Variants in CCND3 observed in about 807,000 individuals in gnomAD.
CCND3 encodes cyclin D3, also known as G1/S-specific cyclin-D3.
In CCND3, 9 loss-of-function variants were observed where a neutral mutation model predicts 28.7. The ratio of observed to expected loss-of-function variants is 0.31; its 90% CI spans 0.19 to 0.55. The LOEUF (loss-of-function observed/expected upper bound fraction) is 0.55. Ranked by LOEUF, CCND3 falls within the 20% of genes least tolerant of loss-of-function variation. The pLI, the probability that CCND3 is intolerant of heterozygous loss-of-function variation, is 0.93. For synonymous variants in CCND3, 164 were observed against 163.9 expected (o/e 1.00, Z 0.00); for missense variants, 315 against 385.8 (o/e 0.82, Z 1.54).
In CCND3 at chr6:42,001,234, C is replaced by CAAAAA. The variant is rs56288797; in HGVS notation, c.-46+47262_-46+47266dup. Among the ~76,000 whole-genome samples the CAAAAA allele has an allele frequency of 6.9e-3, 505 of 73,568 alleles. 36 individuals carry two copies. Among genetic ancestry groups the CAAAAA allele is most frequent in the African/African-American group, 0.018 (325 of 17,866 alleles). 48.3% of individuals were successfully genotyped at this position (73,568 alleles called of 152,430 possible). The stretch of plus-strand genomic sequence containing the variant: ...TGGGCAACAGAGCAAGACCCCATCT[C>CAAAAA]AAAAAAAAAAAAAAAAAAGCTTATA... On this transcript the variant is annotated intron_variant, in intron 1 of 4. Coordinates refer to the CCND3 transcript ENST00000372988.
rs1582085220 is a variant in CCND3 at position 41,938,938 on chromosome 6, C to T, written c.414+1432G>A. On this transcript the variant is annotated intron_variant, in intron 2 of 4. Transcript: ENST00000372991. The surrounding 1 kb of genome is among the most constrained non-coding windows in gnomAD (Gnocchi z 4.6). ...TCTTTTGGGCACTCCACCCCCAGCT[C>T]AGGCAGAGGGAAGAGTACTTTTTGC... 1.3e-5 allele frequency among the ~76,000 whole-genome samples: 2 copies of T among 152,188 alleles called. No homozygotes were observed. Among genetic ancestry groups the T allele is most frequent in the Non-Finnish European group, 2.9e-5 (2 of 68,020 alleles).
intron 1 of CCND3, chr6:42,031,416 G>C (rs1021055405): frequency 1.3e-5 from 2 of 152,240 alleles, no homozygotes; most frequent in Non-Finnish European, 2.9e-5. Context: ...GGAAACGTGG[G>C]GCAGAGGCGG....
upstream of CCND3, among the ~76,000 whole-genome samples, chr6:42,049,385 G>C (rs959102895): frequency 3.3e-5 from 5 of 152,194 alleles, no homozygotes; most frequent in Admixed American, 2.0e-4. Flanking sequence ...GACTCTTTCT[G>C]TGTATCATCT....
At chr6:42,009,118 C>T (rs1244042863) in intron 1 of CCND3, among the ~76,000 whole-genome samples, 2 of 152,160 alleles carry the variant, frequency 1.3e-5, no homozygotes, top group Admixed American at 6.6e-5. Context: ...CTACTGGGGG[C>T]TCAACTTCCT....
In CCND3 at chr6:41,947,655, C is replaced by T. The variant is rs139995912; in HGVS notation, c.-45-7070G>A. Among the ~76,000 whole-genome samples the T allele has an allele frequency of 3.7e-3, 564 of 152,270 alleles. 4 individuals carry two copies. Among genetic ancestry groups the T allele is most frequent in the African/African-American group, 0.013 (546 of 41,558 alleles). ...TCCTCTGTTACTTCCTCTGTCCAAA[C>T]TCAGTTCTTCCTTGACCTTACTGGT... On this transcript the variant is annotated intron_variant, in intron 1 of 4. Transcript: ENST00000372988.
chr6:42,027,925 TTA>T (rs1763930364), intron 1 of CCND3, among the ~76,000 whole-genome samples: 1 of 152,050 alleles, frequency 6.6e-6, no homozygotes, highest in Admixed American at 6.6e-5. Context: ...TTTTGTACTT[TTA>T]GTAGAGACGG....
chr6:41,977,346 G>T (rs1356013031), intron 1 of CCND3, among the ~76,000 whole-genome samples: 1 of 152,110 alleles, frequency 6.6e-6, no homozygotes, highest in South Asian at 2.1e-4. Context: ...GTTGAGGAAG[G>T]CTCAGAACAA....
At chr6:41,960,134 A>G (rs1761681582) in intron 1 of CCND3, among the ~76,000 whole-genome samples, 1 of 152,214 alleles carries the variant, frequency 6.6e-6, no homozygotes, top group African/African-American at 2.4e-5. Context: ...GCCACGTACA[A>G]AAGACCACAT....
chr6:41,941,184 G>C lies in CCND3; in HGVS notation c.198+268C>G, dbSNP rs3218088. The C allele has an allele frequency of 2.8e-3, 4,068 of 1,446,376 alleles. 55 individuals are homozygous for C. In the African/African-American group the frequency reaches 0.041, roughly 15 times the overall value. 89.6% of individuals were successfully genotyped at this position (1,446,376 alleles called of 1,614,324 possible). A position where few individuals can be genotyped will look rare whatever the true frequency, so the allele number is the denominator to read the frequency against. ...ACGCTGTGAGAAGCCGAAGGGGAGA[G>C]AGTGTCCTTGGTCCCGTTTGCTCGG... On this transcript the variant is annotated intron_variant, in intron 1 of 4. Coordinates refer to ENST00000372991, the MANE Select transcript of CCND3 (RefSeq NM_001760.5). This position sits in a 1 kb window ranked among gnomAD's most constrained non-coding sequence, Gnocchi z 6.1.
rs1278409414 is a variant in CCND3, at chr6:41,946,813, G to A, written c.-45-6228C>T. 5.9e-5 allele frequency among the ~76,000 whole-genome samples: 9 copies of A among 151,792 alleles called. 1 individual carries two copies. The highest frequency in any genetic ancestry group is 1.3e-4 in the Admixed American group (2 of 15,218). On this transcript the variant is annotated intron_variant, in intron 1 of 4. Coordinates refer to the CCND3 transcript ENST00000372988. ...AATTGAGCACTCTTCGGCTGGGCGC[G>A]GTGGCTCACACCTGTAATCCCAGCA...
rs927809612 is a variant in CCND3, at chr6:41,941,442, C to T, written c.198+10G>A. On this transcript the variant is annotated intron_variant, in intron 1 of 4. Transcript: ENST00000372991. This position sits in a 1 kb window ranked among gnomAD's most constrained non-coding sequence, Gnocchi z 6.1. ...GAGCGGTGGGGGAGGGGGACGCGTC[C>T]GGGCGGTACCTCCAGCATCCAGTAA... 2 of 1,606,950 alleles carry T rather than the reference C, an allele frequency of 1.2e-6. No individual in the cohort carries two copies. The highest frequency in any genetic ancestry group is 1.1e-5 in the South Asian group (1 of 90,446).
rs1250750896 is a variant in CCND3 at position 41,939,322 on chromosome 6, C to G, written c.414+1048G>C. Reference sequence around the variant, plus strand: ...CCTGGGAGATGGGGCCCAGAGACTCCTCTCAGGGTCAGCAGAAGACTTGGC... The same window carrying G: ...CCTGGGAGATGGGGCCCAGAGACTCGTCTCAGGGTCAGCAGAAGACTTGGC... On this transcript the variant is annotated intron_variant, in intron 2 of 4. Coordinates refer to ENST00000372991, the MANE Select transcript of CCND3 (RefSeq NM_001760.5). This position sits in a 1 kb window ranked among gnomAD's most constrained non-coding sequence, Gnocchi z 4.2. Among the ~76,000 whole-genome samples the G allele has an allele frequency of 1.3e-5, 2 of 152,148 alleles. No homozygotes were observed. The highest frequency in any genetic ancestry group is 3.9e-4 in the East Asian group (2 of 5,184).
chr6:42,003,735 T>C (rs1763089856), intron 1 of CCND3, among the ~76,000 whole-genome samples: 2 of 151,432 alleles, frequency 1.3e-5, no homozygotes, highest in Admixed American at 1.3e-4. Flanking sequence ...GATCAGGAGT[T>C]TGAGACCAGT....
chr6:42,030,969 T>TGG (rs1764025412), intron 1 of CCND3, among the ~76,000 whole-genome samples: 1 of 149,652 alleles, frequency 6.7e-6, no homozygotes, highest in Non-Finnish European at 1.5e-5. Flanking sequence ...GAATTGGGGG[T>TGG]GGGGTCAAAG....
chr6:41,996,312 G>A (rs1378573620), intron 1 of CCND3, among the ~76,000 whole-genome samples: 3 of 151,568 alleles, frequency 2.0e-5, no homozygotes, highest in African/African-American at 7.3e-5. Flanking sequence ...ACCATGTCCG[G>A]CTAATTTTCA....
rs561488124 is a variant in CCND3 at position 41,970,920 on chromosome 6, T to TA, written c.-45-30336_-45-30335insT. On this transcript the variant is annotated intron_variant, in intron 1 of 4. Transcript: ENST00000372988. ...TCCACAAACTTGCTCCAGTTTCTTT[T>TA]TTTTTTCCCCCCCTTGAGACAGAGT... Among the ~76,000 whole-genome samples the TA allele has an allele frequency of 9.1e-3, 1,379 of 152,230 alleles. 9 individuals are homozygous for TA. The highest frequency in any genetic ancestry group is 0.015 in the Non-Finnish European group (1,034 of 68,012).
intron 1 of CCND3, among the ~76,000 whole-genome samples, chr6:41,955,499 T>G (rs1371490845): frequency 6.8e-6 from 1 of 146,484 alleles, no homozygotes; most frequent in African/African-American, 2.4e-5. Flanking sequence ...AAAGTCAACA[T>G]CCATTCATAA....
intron 1 of CCND3, among the ~76,000 whole-genome samples, chr6:41,951,575 C>CACACACAAAA (rs1238860882): frequency 1.4e-5 from 1 of 70,152 alleles, no homozygotes; most frequent in East Asian, 4.9e-4. Flanking sequence ...CACACACACA[C>CACACACAAAA]AAAAAAAAAG....
chr6:41,954,507 G>T (rs1371698026), intron 1 of CCND3, among the ~76,000 whole-genome samples: 2 of 150,416 alleles, frequency 1.3e-5, no homozygotes, highest in Non-Finnish European at 2.9e-5. Flanking sequence ...GCGGAGAATA[G>T]CGCCATTGCA....
Sources: gnomAD v4.1 joint callset for allele counts (sites outside exome capture counted in the v4.1 genomes callset) on GRCh38, gnomAD v4.1.1 for gene constraint, Gnocchi (gnomAD v3.1) non-coding constraint, MANE v1.5 for transcripts, NCBI Gene and HGNC (gene_info 2026-07-23, HGNC 2026-07-21) for gene names.